Variants in RBM20 observed in about 807,000 individuals in gnomAD.
The protein encoded by RBM20 is RNA binding motif protein 20.
RBM20 carries 51 observed loss-of-function variants against 110.1 expected under a neutral mutation model. That is an observed-to-expected ratio of 0.46 (90% CI 0.37 to 0.59). The LOEUF (loss-of-function observed/expected upper bound fraction) is 0.59, where lower values mean the gene tolerates loss of function less well. Ranked by LOEUF, RBM20 falls within the 20% of genes least tolerant of loss-of-function variation. RBM20 has a pLI of 0.00. For synonymous variants in RBM20, 589 were observed against 618.2 expected (o/e 0.95, Z 0.70); for missense variants, 1,512 against 1,574.9 (o/e 0.96, Z 0.68).
chr10:110,767,330 C>T (rs1418166598), intron 1 of RBM20, among the ~76,000 whole-genome samples: 20 of 136,944 alleles, frequency 1.5e-4, no homozygotes, highest in African/African-American at 5.3e-4. Context: ...GGCGGCTAGC[C>T]GGGTGGGGGG....
chr10:110,648,473 A>G (rs1861899643), intron 1 of RBM20, among the ~76,000 whole-genome samples: 2 of 152,212 alleles, frequency 1.3e-5, no homozygotes, highest in African/African-American at 4.8e-5. Context: ...GAGAAGAAAT[A>G]AGAATTTGCT....
chr10:110,680,339 T>A (rs559533214), intron 1 of RBM20, among the ~76,000 whole-genome samples: 5 of 152,342 alleles, frequency 3.3e-5, no homozygotes, highest in Non-Finnish European at 7.3e-5. Flanking sequence ...CTGTTTTCCC[T>A]GTCTGAATGG....
At chr10:110,707,187 T>A (rs1590628486) in intron 1 of RBM20, among the ~76,000 whole-genome samples, 1 of 152,224 alleles carries the variant, frequency 6.6e-6, no homozygotes, top group East Asian at 1.9e-4. Flanking sequence ...GAAGCTCATA[T>A]TTTTAATTTA....
At chr10:110,668,554 A>C (rs547923193) in intron 1 of RBM20, among the ~76,000 whole-genome samples, 2 of 152,064 alleles carry the variant, frequency 1.3e-5, no homozygotes, top group African/African-American at 4.8e-5. Context: ...GAAATTGCGA[A>C]TGGCCCCAAC....
intron 1 of RBM20, among the ~76,000 whole-genome samples, chr10:110,672,425 A>C (rs1277121135): frequency 6.6e-6 from 1 of 152,140 alleles, no homozygotes; most frequent in Non-Finnish European, 1.5e-5. Flanking sequence ...GCCGAGTGTC[A>C]CCCGGGACCC....
At chr10:110,663,182 T>C (rs1862130749) in intron 1 of RBM20, among the ~76,000 whole-genome samples, 1 of 152,120 alleles carries the variant, frequency 6.6e-6, no homozygotes, top group Admixed American at 6.5e-5. Flanking sequence ...GGTCTCGACC[T>C]CCTGAGCTCA....
chr10:110,738,744 C>T (rs930799835), intron 1 of RBM20, among the ~76,000 whole-genome samples: 6 of 151,944 alleles, frequency 3.9e-5, no homozygotes, highest in Non-Finnish European at 5.9e-5. Context: ...GAAGAGCACG[C>T]GGGGCATGTT....
At chr10:110,726,089 C>T (rs1039628372) in intron 1 of RBM20, among the ~76,000 whole-genome samples, 7 of 152,188 alleles carry the variant, frequency 4.6e-5, no homozygotes, top group East Asian at 1.9e-4. Context: ...GCTCCCCTGA[C>T]GCAGCCCCTC....
chr10:110,645,179 C>T (rs1861851704), intron 1 of RBM20, among the ~76,000 whole-genome samples: 2 of 152,178 alleles, frequency 1.3e-5, no homozygotes. Context: ...AGTTTAGCTA[C>T]GCAACCGTTT....
rs1338307495 is a variant in RBM20 at position 110,831,180 on chromosome 10, C to T, written c.3571C>T (p.Gln1191Ter). 1.3e-6 allele frequency: 2 copies of T among 1,550,950 alleles called. No individual in the cohort carries two copies. The highest frequency in any genetic ancestry group is 1.7e-6 in the Non-Finnish European group (2 of 1,146,438). Residue 1191 changes from glutamine (Q) to a stop codon, truncating the protein, a stop_gained and splice_region_variant, in exon 13 of 14, where the codon CAG becomes TAG. Coordinates refer to ENST00000369519, the MANE Select transcript of RBM20 (RefSeq NM_001134363.3). LOFTEE classifies it high-confidence loss of function. ...CAGCGCTGTCCACTACAGGAACTTA[C>T]AGGTAAAAATCCACTCTCCTTGCCC... The part of the protein sequence containing the change: ...CRSAVHYRNL[Q>*]KYLSQLAEEG...
intron 1 of RBM20, among the ~76,000 whole-genome samples, chr10:110,648,432 G>A (rs1474019503): frequency 6.6e-6 from 1 of 152,194 alleles, no homozygotes; most frequent in Non-Finnish European, 1.5e-5. Flanking sequence ...CCACTTTGAT[G>A]GGTATGCTGA....
At chr10:110,765,935 G>A (rs554909232) in intron 1 of RBM20, among the ~76,000 whole-genome samples, 1 of 152,212 alleles carries the variant, frequency 6.6e-6, no homozygotes, top group South Asian at 2.1e-4. Flanking sequence ...TATGCTAACA[G>A]CTGCCATGTA....
At position 110,693,447 on chromosome 10, in the gene RBM20, C is replaced by T. The variant is rs79152077; in HGVS notation, c.191+48802C>T. On this transcript the variant is annotated intron_variant, in intron 1 of 13. Transcript: ENST00000369519. Reference sequence around the variant, plus strand: ...CTGATTCAATCTCCTTATTTGTTATCGGTCTTTTCATATTTTCTACTTCTT... The same window carrying T: ...CTGATTCAATCTCCTTATTTGTTATTGGTCTTTTCATATTTTCTACTTCTT... Among the ~76,000 whole-genome samples, 33 of 152,202 alleles carry T rather than the reference C, an allele frequency of 2.2e-4. 1 individual carries two copies. In the South Asian group the frequency reaches 2.7e-3, roughly 12 times the overall value.
chr10:110,678,901 C>T (rs1162582429), intron 1 of RBM20, among the ~76,000 whole-genome samples: 3 of 152,160 alleles, frequency 2.0e-5, no homozygotes, highest in Non-Finnish European at 4.4e-5. Context: ...TATGTTCATT[C>T]AGGCCTGGAG....
chr10:110,715,135 C>G (rs1862995868), intron 1 of RBM20, among the ~76,000 whole-genome samples: 1 of 152,122 alleles, frequency 6.6e-6, no homozygotes, highest in African/African-American at 2.4e-5. Context: ...GTAATCCCAG[C>G]TACTTGGGAG....
rs544211552 is a variant in RBM20, at chr10:110,708,713, G to T, written c.191+64068G>T. Among the ~76,000 whole-genome samples, 5 of 152,294 alleles carry T rather than the reference G, an allele frequency of 3.3e-5. No individual in the cohort carries two copies. The East Asian group carries it at 9.6e-4, about 29-fold the overall frequency. ...TTTACAACAAGGCGGAATTATTTTTGTATTTCAGGGGAAACAAGAAACAAT... is the reference window on the plus strand; with the variant it reads ...TTTACAACAAGGCGGAATTATTTTTTTATTTCAGGGGAAACAAGAAACAAT... On this transcript the variant is annotated intron_variant, in intron 1 of 13. Transcript: ENST00000369519.
intron 1 of RBM20, among the ~76,000 whole-genome samples, chr10:110,668,425 G>T (rs951289806): frequency 4.6e-5 from 7 of 152,180 alleles, no homozygotes; most frequent in African/African-American, 1.7e-4. Context: ...TGGCCATTTT[G>T]TGATGCGTAA....
chr10:110,685,365 C>A (rs1254204848), intron 1 of RBM20, among the ~76,000 whole-genome samples: 1 of 152,162 alleles, frequency 6.6e-6, no homozygotes, highest in Non-Finnish European at 1.5e-5. Flanking sequence ...AGACTGGTGA[C>A]AAAGCTGTCT....
At chr10:110,781,956 C>G in intron 2 of RBM20, 72 bp downstream of exon 2, 1 of 1,531,472 alleles carries the variant, frequency 6.5e-7, no homozygotes, top group Non-Finnish European at 8.8e-7. Context: ...ACCCAACTCA[C>G]GCTGCCAATG....
Sources: allele counts gnomAD v4.1 joint callset (sites outside exome capture counted in the v4.1 genomes callset), GRCh38; gene constraint gnomAD v4.1.1; transcripts MANE v1.5; gene names NCBI Gene and HGNC (gene_info 2026-07-23, HGNC 2026-07-21).